GALNT18: variants seen among roughly 807,000 people sequenced by gnomAD.
GALNT18 encodes the protein polypeptide N-acetylgalactosaminyltransferase 18, also known as GalNAc-transferase 18.
Under a neutral mutation model 69.5 loss-of-function variants are expected in GALNT18, and 44 were observed. The ratio of observed to expected loss-of-function variants is 0.63; its 90% confidence interval spans 0.50 to 0.81. The LOEUF is 0.81. Ranked by LOEUF, GALNT18 falls within the 40% of genes least tolerant of loss-of-function variation. The probability of loss-of-function intolerance (pLI) is 0.00; values close to 1 mark genes in which losing one functional copy is unlikely to be tolerated. For synonymous variants in GALNT18, 364 were observed against 318.2 expected, an observed-to-expected ratio of 1.14 and a Z score of -1.53; for missense variants, 715 against 810.0, an observed-to-expected ratio of 0.88 and a Z score of 1.42.
Position 11,341,622 on chromosome 11 carries a change from A to T in GALNT18, c.1093-618T>A, listed in dbSNP as rs1246298425. 6.6e-6 allele frequency among the ~76,000 whole-genome samples: 1 copy of T among 152,206 alleles called. No homozygotes were observed. Among genetic ancestry groups the T allele is most frequent in the African/African-American group, 2.4e-5 (1 of 41,456 alleles). Reference sequence around the variant, plus strand: ...ATAGGAGATTGATCCGAATGCAATTAGATTTTGAAAGATAAACCTTTGCAT... The same window carrying T: ...ATAGGAGATTGATCCGAATGCAATTTGATTTTGAAAGATAAACCTTTGCAT... On this transcript the variant is annotated intron_variant, in intron 6 of 10. Transcript: ENST00000227756. This position sits in a 1 kb window ranked among gnomAD's most constrained non-coding sequence, Gnocchi z 6.3.
rs368031660 is a variant in GALNT18, at chr11:11,553,810, C to T, written c.235+67549G>A. 4.6e-3 allele frequency among the ~76,000 whole-genome samples: 693 copies of T among 152,240 alleles called. 8 individuals carry two copies. Among genetic ancestry groups the T allele is most frequent in the African/African-American group, 0.016 (669 of 41,544 alleles). ...GAGCCAAGTCGCCCGCAGCTGGGTG[C>T]CAAGGTCGCCTGCCATGTCCCTGAT... On this transcript the variant is annotated intron_variant, in intron 1 of 10. Coordinates refer to ENST00000227756, the MANE Select transcript of GALNT18 (RefSeq NM_198516.3).
At position 11,522,995 on chromosome 11, in the gene GALNT18, G is replaced by A. The variant is rs560901978; in HGVS notation, c.236-74059C>T. Among the ~76,000 whole-genome samples, 20 of 152,312 alleles carry A rather than the reference G, an allele frequency of 1.3e-4. 1 individual carries two copies. The South Asian group carries it at 3.7e-3, about 28-fold the overall frequency. ...ATGAGAGTAAAGTAAGAGACTGAGC[G>A]CAGTGCAGTCCACTAACAATTCAGG... is the stretch of plus-strand genomic sequence containing the variant. On this transcript the variant is annotated intron_variant, in intron 1 of 10. Coordinates refer to ENST00000227756, the MANE Select transcript of GALNT18 (RefSeq NM_198516.3).
At chr11:11,353,541 A>G (rs556918776) in intron 6 of GALNT18, among the ~76,000 whole-genome samples, 1 of 152,302 alleles carries the variant, frequency 6.6e-6, no homozygotes, top group East Asian at 1.9e-4. Flanking sequence ...ATGAAGATGA[A>G]CCACTTACTC....
chr11:11,526,758 AC>A (rs1258860638), intron 1 of GALNT18, among the ~76,000 whole-genome samples: 1 of 152,124 alleles, frequency 6.6e-6, no homozygotes, highest in Non-Finnish European at 1.5e-5. Context: ...TAAATTTTCC[AC>A]CTGAAAGTGA....
rs981543093 is a variant in GALNT18 at position 11,621,764 on chromosome 11, G to A, written c.-171C>T. ...CTGCCGGTGTAGCCGCCGTGCCCAA[G>A]TTTGCAGCTCCTGCCGCTGGCCACC... On this transcript the variant is annotated 5_prime_UTR_variant, in exon 1 of 11. Coordinates refer to ENST00000227756, the MANE Select transcript of GALNT18 (RefSeq NM_198516.3). This position sits in a 1 kb window ranked among gnomAD's most constrained non-coding sequence, Gnocchi z 9.3. The A allele has an allele frequency of 3.3e-6, 2 of 603,856 alleles. No individual in the cohort carries two copies. Among genetic ancestry groups the A allele is most frequent in the Non-Finnish European group, 5.9e-6 (2 of 341,186 alleles). The allele number at this position is 603,856 out of a possible 1,614,324, so 37.4% of individuals were successfully genotyped here.
intron 1 of GALNT18, among the ~76,000 whole-genome samples, chr11:11,612,175 A>C (rs1859922468): frequency 6.6e-6 from 1 of 152,204 alleles, no homozygotes; most frequent in African/African-American, 2.4e-5. Context: ...ACCTCTAAAA[A>C]GGTAAGAAAA....
chr11:11,588,169 C>A (rs7938378), intron 1 of GALNT18, among the ~76,000 whole-genome samples: 50,219 of 151,924 alleles, frequency 0.33, 9,549 homozygotes, highest in South Asian at 0.5. Flanking sequence ...GTTTCATCCC[C>A]ACCAACCTTC....
At chr11:11,544,683 A>T (rs1858007527) in intron 1 of GALNT18, among the ~76,000 whole-genome samples, 1 of 152,204 alleles carries the variant, frequency 6.6e-6, no homozygotes, top group Non-Finnish European at 1.5e-5. Flanking sequence ...CGCATGCATT[A>T]GGTATTTGTC....
Position 11,372,640 on chromosome 11 carries a change from A to G in GALNT18, c.978-11T>C, listed in dbSNP as rs756691102. 14 of 1,609,306 alleles carry G rather than the reference A, an allele frequency of 8.7e-6. No individual in the cohort carries two copies. The highest frequency in any genetic ancestry group is 1.0e-5 in the Non-Finnish European group (12 of 1,175,964). The stretch of plus-strand genomic sequence containing the variant: ...ATGAGGGCAGGGCTCCTGCAGGGGC[A>G]GGGGAGAGCAGAAGGGCTGTCTGGT... On this transcript the variant is annotated splice_polypyrimidine_tract_variant and intron_variant, in intron 5 of 10. Transcript: ENST00000227756. This position sits in a 1 kb window ranked among gnomAD's most constrained non-coding sequence, Gnocchi z 4.9.
chr11:11,283,205 A>T (rs1849120134), intron 10 of GALNT18, among the ~76,000 whole-genome samples: 1 of 152,104 alleles, frequency 6.6e-6, no homozygotes, highest in Non-Finnish European at 1.5e-5. Flanking sequence ...CACAGGCTGG[A>T]GTGCAGTAGC....
At position 11,383,181 on chromosome 11, in the gene GALNT18, C is replaced by T. The variant is rs1454308705; in HGVS notation, c.596-3917G>A. On this transcript the variant is annotated intron_variant, in intron 3 of 10. Coordinates refer to ENST00000227756, the MANE Select transcript of GALNT18 (RefSeq NM_198516.3). The surrounding 1 kb of genome is among the most constrained non-coding windows in gnomAD (Gnocchi z 5.2). ...GGGGAGCCTCCTCTCCGGGCCTGCT[C>T]AGGGCAGGCTGCTTGCCAGCTCTCA... Among the ~76,000 whole-genome samples, 1 of 152,174 alleles carries T rather than the reference C, an allele frequency of 6.6e-6. No homozygotes were observed. The highest frequency in any genetic ancestry group is 1.9e-4 in the East Asian group (1 of 5,190).
chr11:11,287,072 T>G (rs1427479158), intron 10 of GALNT18, among the ~76,000 whole-genome samples: 2 of 152,146 alleles, frequency 1.3e-5, no homozygotes, highest in African/African-American at 4.8e-5. Context: ...AAGAAGCAGC[T>G]CAATAAATTG....
In GALNT18 at chr11:11,447,930, A is replaced by G. The variant is rs115981654; in HGVS notation, c.428+814T>C. Among the ~76,000 whole-genome samples, 1,231 of 152,352 alleles carry G rather than the reference A, an allele frequency of 8.1e-3. 22 individuals are homozygous for G. The highest frequency in any genetic ancestry group is 0.028 in the African/African-American group (1,153 of 41,578). ...GCTTAATAAATGACCTGCAAGTGAA[A>G]GCACATTCTTCTCTCCCTTTGGACA... On this transcript the variant is annotated intron_variant, in intron 2 of 10. Transcript: ENST00000227756.
intron 3 of GALNT18, among the ~76,000 whole-genome samples, chr11:11,419,129 G>A (rs1457615279): frequency 6.6e-6 from 1 of 152,172 alleles, no homozygotes; most frequent in Admixed American, 6.5e-5. Flanking sequence ...GCCCTCTTTG[G>A]TTGGCTACAA....
intron 6 of GALNT18, among the ~76,000 whole-genome samples, chr11:11,353,688 T>C (rs2133070594): frequency 1.3e-5 from 2 of 152,232 alleles, no homozygotes; most frequent in East Asian, 3.9e-4. Flanking sequence ...AAATTGGCCG[T>C]CCATACCAGA....
chr11:11,619,600 C>T lies in GALNT18; in HGVS notation c.235+1759G>A, dbSNP rs886068776. 3.3e-5 allele frequency among the ~76,000 whole-genome samples: 5 copies of T among 151,580 alleles called. No individual in the cohort carries two copies. Among genetic ancestry groups the T allele is most frequent in the Admixed American group, 6.6e-5 (1 of 15,212 alleles). On this transcript the variant is annotated intron_variant, in intron 1 of 10. Transcript: ENST00000227756. This position sits in a 1 kb window ranked among gnomAD's most constrained non-coding sequence, Gnocchi z 4.9. ...GCACAAGAGAATCATTTTCCAGGAACACACACACACACAGAATCTGTGAAT... is the reference window on the plus strand; with the variant it reads ...GCACAAGAGAATCATTTTCCAGGAATACACACACACACAGAATCTGTGAAT...
intron 7 of GALNT18, among the ~76,000 whole-genome samples, chr11:11,333,907 G>A (rs959687063): frequency 2.0e-5 from 3 of 151,954 alleles, no homozygotes; most frequent in South Asian, 2.1e-4. Flanking sequence ...AGAGGCTGCC[G>A]AGGGGTCCAT....
chr11:11,295,178 A>C (rs751562775), intron 9 of GALNT18, among the ~76,000 whole-genome samples: 2 of 152,146 alleles, frequency 1.3e-5, no homozygotes, highest in Non-Finnish European at 2.9e-5. Context: ...GAAGCTCAGA[A>C]GTCTCTTTAG....
At chr11:11,305,575 A>G (rs1849564184) in intron 9 of GALNT18, among the ~76,000 whole-genome samples, 1 of 152,122 alleles carries the variant, frequency 6.6e-6, no homozygotes, top group Admixed American at 6.5e-5. Context: ...CTCTGCCCCC[A>G]CTACCCACGA....
Sources: gnomAD v4.1 joint callset for allele counts (sites outside exome capture counted in the v4.1 genomes callset) on GRCh38, gnomAD v4.1.1 for gene constraint, Gnocchi (gnomAD v3.1) non-coding constraint, MANE v1.5 for transcripts, NCBI Gene and HGNC (gene_info 2026-07-23, HGNC 2026-07-21) for gene names.